The following DENND2B variants were observed in gnomAD, a reference collection of about 807,000 sequenced individuals.
The protein encoded by DENND2B is DENN domain-containing protein 2B.
In DENND2B, 32 loss-of-function variants were observed where a neutral mutation model predicts 116.0. That is an observed-to-expected ratio of 0.28 (90% CI 0.21 to 0.37). The LOEUF is 0.37. Ranked by LOEUF, DENND2B falls within the 10% of genes least tolerant of loss-of-function variation. The pLI is 1.00. For synonymous variants in DENND2B, 588 were observed against 583.9 expected (o/e 1.01, Z -0.10); for missense variants, 1,276 against 1,477.7 (o/e 0.86, Z 2.24).
At position 8,694,245 on chromosome 11, in the gene DENND2B, G is replaced by A. The variant is rs1347151992; in HGVS notation, c.3380-115C>T. The A allele has an allele frequency of 1.5e-5, 18 of 1,231,558 alleles. No homozygotes were observed. In the East Asian group the frequency reaches 4.0e-4, roughly 27 times the overall value. The allele number at this position is 1,231,558 out of a possible 1,614,324, so 76.3% of individuals were successfully genotyped here. ...TGGGAGAGGAAGGATTAGGAAGACT[G>A]GATTATAACTGTGATCTGATCCAGG... On this transcript the variant is annotated intron_variant, in intron 19 of 19. Transcript: ENST00000313726.
intron 3 of DENND2B, among the ~76,000 whole-genome samples, chr11:8,727,351 C>G (rs2047242969): frequency 6.6e-6 from 1 of 152,152 alleles, no homozygotes; most frequent in African/African-American, 2.4e-5. Flanking sequence ...AGCTTGCCTG[C>G]CCCTGCCCCG....
upstream of DENND2B, among the ~76,000 whole-genome samples, chr11:8,874,692 A>T (rs2063823801): frequency 6.6e-6 from 1 of 152,046 alleles, no homozygotes. Context: ...AAGTCAAGGC[A>T]GGAGGACCTC....
intron 2 of DENND2B, among the ~76,000 whole-genome samples, chr11:8,866,780 A>G (rs2063595305): frequency 6.6e-6 from 1 of 152,088 alleles, no homozygotes; most frequent in East Asian, 1.9e-4. Flanking sequence ...TGTACTCCAA[A>G]TCCCCTACAC....
In DENND2B at chr11:8,876,712, T is replaced by G. The variant is rs375791419; in HGVS notation, c.-156+4298A>C. On this transcript the variant is annotated intron_variant, in intron 2 of 22. Coordinates refer to the DENND2B transcript ENST00000534127. ...GCCAACATGGTGAAACCCCGTCTCTTCTAAAAAATACAAAAATTAGCCAAG... is the reference window on the plus strand; with the variant it reads ...GCCAACATGGTGAAACCCCGTCTCTGCTAAAAAATACAAAAATTAGCCAAG... 4.2e-4 allele frequency among the ~76,000 whole-genome samples: 63 copies of G among 151,798 alleles called. 1 individual carries two copies. In the Middle Eastern group the frequency reaches 0.02, roughly 49 times the overall value.
chr11:8,831,228 A>G (rs1407825230), intron 4 of DENND2B, among the ~76,000 whole-genome samples: 2 of 152,184 alleles, frequency 1.3e-5, no homozygotes, highest in East Asian at 1.9e-4. Flanking sequence ...TAAGAATCAC[A>G]TAAGTATGTA....
chr11:8,905,551 G>A (rs1163002276), intron 1 of DENND2B, among the ~76,000 whole-genome samples: 2 of 152,128 alleles, frequency 1.3e-5, no homozygotes, highest in Non-Finnish European at 2.9e-5. Flanking sequence ...AAATTAATAA[G>A]TTGGAGTTCA....
upstream of DENND2B, among the ~76,000 whole-genome samples, chr11:8,873,860 G>A (rs1000089413): frequency 1.4e-4 from 21 of 152,146 alleles, no homozygotes; most frequent in Admixed American, 3.9e-4. Context: ...GAATGAAATC[G>A]CCATGGAAGG....
chr11:8,893,430 T>C (rs908249400), intron 1 of DENND2B, among the ~76,000 whole-genome samples: 1 of 152,192 alleles, frequency 6.6e-6, no homozygotes, highest in Non-Finnish European at 1.5e-5. Flanking sequence ...ATAAATGGTA[T>C]TCAATTAGGA....
intron 1 of DENND2B, among the ~76,000 whole-genome samples, chr11:8,803,532 C>T (rs563226855): frequency 6.6e-6 from 1 of 152,310 alleles, no homozygotes; most frequent in Non-Finnish European, 1.5e-5. Flanking sequence ...AACATCCAGA[C>T]CTGCTGACTA....
intron 11 of DENND2B, among the ~76,000 whole-genome samples, chr11:8,709,167 C>T (rs2043162797): frequency 6.6e-6 from 1 of 152,200 alleles, no homozygotes; most frequent in African/African-American, 2.4e-5. Flanking sequence ...AGTCTCCAAA[C>T]CTGCTGGCCA....
At chr11:8,817,467 T>C (rs1021693568) in intron 4 of DENND2B, among the ~76,000 whole-genome samples, 2 of 152,108 alleles carry the variant, frequency 1.3e-5, no homozygotes, top group Non-Finnish European at 2.9e-5. Flanking sequence ...TGTTTTATGA[T>C]AGGAAGTTTT....
intron 2 of DENND2B, among the ~76,000 whole-genome samples, chr11:8,862,467 T>G (rs1391274681): frequency 2.0e-5 from 3 of 151,836 alleles, no homozygotes; most frequent in Admixed American, 1.3e-4. Flanking sequence ...CCTGAGTAGC[T>G]AGGACCACAG....
At chr11:8,713,440 C>T (rs2044135425) in intron 8 of DENND2B, among the ~76,000 whole-genome samples, 1 of 152,060 alleles carries the variant, frequency 6.6e-6, no homozygotes, top group South Asian at 2.1e-4. Flanking sequence ...AGTGCAGTGG[C>T]ATGATCTCAG....
chr11:8,800,396 C>A (rs909159679), intron 1 of DENND2B, among the ~76,000 whole-genome samples: 1 of 152,154 alleles, frequency 6.6e-6, no homozygotes, highest in Non-Finnish European at 1.5e-5. Context: ...GTTTTGGGAG[C>A]TCTATGCACC....
chr11:8,863,477 C>T (rs10840136), intron 2 of DENND2B, among the ~76,000 whole-genome samples: 78,086 of 151,632 alleles, frequency 0.51, 20,346 homozygotes, highest in Middle Eastern at 0.7. Flanking sequence ...TTGAGATCCG[C>T]TCGCCTCGGC....
In DENND2B at chr11:8,730,854, C is replaced by A; in HGVS notation, c.436G>T (p.Gly146Cys). The change falls in exon 3 of 20, where the codon GGC becomes TGC. Residue 146 changes from glycine (G) to cysteine (C), a missense_variant. Physicochemically the swap from Gly to Cys is radical, Grantham distance 159. This residue lies in a region of DENND2B where 856 missense variants were observed against 846.6 expected (regional missense o/e 1.01). Coordinates refer to ENST00000313726, the MANE Select transcript of DENND2B (RefSeq NM_213618.2). The surrounding 1 kb of genome is among the most constrained non-coding windows in gnomAD (Gnocchi z 4.1). ...CGGGTCAGCAAGACGCCCCGGGGGCCAGCTGCTGGCCCCGGGAATGGCGTG... is the reference window on the plus strand; with the variant it reads ...CGGGTCAGCAAGACGCCCCGGGGGCAAGCTGCTGGCCCCGGGAATGGCGTG... Reference protein sequence around the residue: ...QSTPFPGPAAGPRGVLLTRTG... With the variant: ...QSTPFPGPAACPRGVLLTRTG... 1 of 1,613,466 alleles carries A rather than the reference C, an allele frequency of 6.2e-7. No homozygotes were observed. Among genetic ancestry groups the A allele is most frequent in the Non-Finnish European group, 8.5e-7 (1 of 1,179,998 alleles).
chr11:8,798,480 A>G (rs1270074970), intron 1 of DENND2B, among the ~76,000 whole-genome samples: 1 of 152,146 alleles, frequency 6.6e-6, no homozygotes, highest in Non-Finnish European at 1.5e-5. Flanking sequence ...ATGACAAAAC[A>G]TTAAGGGCTA....
At chr11:8,798,764 G>C (rs2060048248) in intron 1 of DENND2B, among the ~76,000 whole-genome samples, 1 of 149,260 alleles carries the variant, frequency 6.7e-6, no homozygotes, top group Admixed American at 6.7e-5. Flanking sequence ...GGGTAGGAAA[G>C]AAAATAAAAA....
intron 2 of DENND2B, among the ~76,000 whole-genome samples, chr11:8,738,063 G>C (rs76437692): frequency 0.015 from 2,246 of 152,246 alleles, 29 homozygotes; most frequent in Middle Eastern, 0.068. Context: ...ACTGTAATTG[G>C]AATGATCCAG....
Sources: allele counts gnomAD v4.1 joint callset (sites outside exome capture counted in the v4.1 genomes callset), GRCh38; gene constraint gnomAD v4.1.1; regional missense constraint gnomAD v4.1.1; non-coding constraint Gnocchi (gnomAD v3.1); transcripts MANE v1.5; gene names NCBI Gene and HGNC (gene_info 2026-07-23, HGNC 2026-07-21).